The following WDR88 variants were observed in gnomAD, a reference collection of about 807,000 sequenced individuals.
WDR88 encodes the protein WD repeat domain 88, also known as WD repeat-containing protein 88.
In WDR88, 40 loss-of-function variants were observed where a neutral mutation model predicts 46.8. That is an observed-to-expected ratio of 0.86 (90% confidence interval 0.66 to 1.11). The LOEUF (loss-of-function observed/expected upper bound fraction) is 1.11, where lower values mean the gene tolerates loss of function less well. WDR88 is among the 50% of genes most tolerant of loss of function. The probability of loss-of-function intolerance (pLI) is 0.00; values close to 1 mark genes in which losing one functional copy is unlikely to be tolerated. For missense variants in WDR88, 562 were observed against 602.4 expected (o/e 0.93, Z 0.70); for synonymous variants, 235 against 240.7 (o/e 0.98, Z 0.22).
intron 3 of WDR88, among the ~76,000 whole-genome samples, chr19:33,147,372 GC>G (rs1192478721): frequency 1.3e-5 from 2 of 152,184 alleles, no homozygotes; most frequent in Admixed American, 1.3e-4. Flanking sequence ...GGAGGCCGAG[GC>G]AGGTGGATCA....
rs368856222 is a variant in WDR88, at chr19:33,147,720, T to A, written c.540+12T>A. The A allele has an allele frequency of 4.3e-6, 7 of 1,613,186 alleles. No homozygotes were observed. Among genetic ancestry groups the A allele is most frequent in the Non-Finnish European group, 5.9e-6 (7 of 1,179,596 alleles). On this transcript the variant is annotated intron_variant, in intron 4 of 10. Transcript: ENST00000355868. ...CAGGCAAGCTGCTGGTACGTATGCC[T>A]GTCCAGTGGGGGCGTTGGTTGCAGC... is the stretch of plus-strand genomic sequence containing the variant.
chr19:33,141,254 G>A (rs1340739080), intron 2 of WDR88, among the ~76,000 whole-genome samples: 11 of 61,388 alleles, frequency 1.8e-4, no homozygotes, highest in African/African-American at 1.3e-3. Context: ...TTTTGACACA[G>A]GATCTCACTC....
chr19:33,142,426 G>A (rs759560893), intron 2 of WDR88, among the ~76,000 whole-genome samples: 3 of 152,026 alleles, frequency 2.0e-5, no homozygotes, highest in Non-Finnish European at 4.4e-5. Context: ...TGTGGTGCGG[G>A]TGGGGAACAC....
intron 2 of WDR88, among the ~76,000 whole-genome samples, chr19:33,139,570 T>A (rs1448138510): frequency 1.3e-5 from 2 of 152,146 alleles, no homozygotes; most frequent in African/African-American, 4.8e-5. Context: ...CTCTGGTATT[T>A]CCTGCTAGGG....
chr19:33,148,965 T>G, intron 5 of WDR88, 55 bp downstream of exon 5: 1 of 1,609,774 alleles, frequency 6.2e-7, no homozygotes, highest in Non-Finnish European at 8.5e-7. Flanking sequence ...TAGCCACTTG[T>G]CACTGACTGA....
intron 9 of WDR88, among the ~76,000 whole-genome samples, chr19:33,170,283 TCCTCCCG>T (rs919546945): frequency 2.6e-5 from 4 of 151,994 alleles, no homozygotes; most frequent in African/African-American, 4.8e-5. Flanking sequence ...GCTTAGGCGA[TCCTCCCG>T]CCTTAGCCTC....
intron 1 of WDR88, among the ~76,000 whole-genome samples, chr19:33,133,314 G>A (rs750756486): frequency 6.6e-6 from 1 of 152,026 alleles, no homozygotes; most frequent in Non-Finnish European, 1.5e-5. Flanking sequence ...TTGGGAAGCC[G>A]AGATGAGCAG....
chr19:33,150,937 G>A (rs542920856), intron 5 of WDR88, among the ~76,000 whole-genome samples: 3 of 152,348 alleles, frequency 2.0e-5, no homozygotes, highest in Non-Finnish European at 4.4e-5. Context: ...GTGGCAGGTC[G>A]TTGCCTGGTC....
chr19:33,164,612 CT>C (rs950787316), intron 9 of WDR88, among the ~76,000 whole-genome samples: 1 of 152,150 alleles, frequency 6.6e-6, no homozygotes, highest in Non-Finnish European at 1.5e-5. Context: ...GGGGGTCTCC[CT>C]TTCCTGCAGC....
Position 33,145,056 on chromosome 19 carries a change from A to G in WDR88, c.476+124A>G, listed in dbSNP as rs1184038242. ...GATATGGGGTCTCACCATGTGGCCT[A>G]AGCTGGTCTCGAACCTGTGGTCTCA... On this transcript the variant is annotated intron_variant, in intron 3 of 10. Transcript: ENST00000355868. The G allele has an allele frequency of 5.4e-6, 5 of 921,220 alleles. No individual in the cohort carries two copies. In the Admixed American group the frequency reaches 8.3e-5, roughly 15 times the overall value. 57.1% of individuals were successfully genotyped at this position (921,220 alleles called of 1,614,324 possible).
At position 33,132,219 on chromosome 19, in the gene WDR88, A is replaced by G; in HGVS notation, c.50A>G (p.Lys17Arg). ...CSPTAHDREC[K>R]LPPPSAPASE... Reference sequence around the variant, plus strand: ...CCGACAGCCCATGACAGGGAATGCAAGTTGCCGCCACCCTCCGCCCCCGCC... The same window carrying G: ...CCGACAGCCCATGACAGGGAATGCAGGTTGCCGCCACCCTCCGCCCCCGCC... The change falls in exon 1 of 11, where the codon AAG becomes AGG. Residue 17 changes from lysine to arginine, a missense_variant. Coordinates refer to ENST00000355868, the MANE Select transcript of WDR88 (RefSeq NM_173479.4). The G allele has an allele frequency of 6.2e-7, 1 of 1,609,372 alleles. No individual in the cohort carries two copies. Among genetic ancestry groups the G allele is most frequent in the Non-Finnish European group, 8.5e-7 (1 of 1,179,654 alleles).
chr19:33,134,674 C>T (rs1973214438), intron 1 of WDR88, among the ~76,000 whole-genome samples: 1 of 152,040 alleles, frequency 6.6e-6, no homozygotes, highest in South Asian at 2.1e-4. Context: ...ACGCGCGGCC[C>T]CGGCCTGGCC....
rs1358705585 is a variant in WDR88, at chr19:33,156,452, C to T, written c.907C>T (p.His303Tyr). Residue 303 changes from histidine to tyrosine, a missense_variant, in exon 7 of 11, where the codon CAC (histidine) becomes TAC (tyrosine). By Grantham distance (83) the His-to-Tyr change is moderately conservative. Transcript: ENST00000355868. ...WDKNLKIWNVHTGEFRNCGAC... is the reference protein window; with the variant it reads ...WDKNLKIWNVYTGEFRNCGAC... ...TAAAAACTTAAAAATATGGAACGTC[C>T]ACACAGGGGAGTTTCGAAACTGTGG... 6.2e-7 allele frequency: 1 copy of T among 1,614,128 alleles called. No individual in the cohort carries two copies. Among genetic ancestry groups the T allele is most frequent in the Non-Finnish European group, 8.5e-7 (1 of 1,180,028 alleles).
At chr19:33,157,553 G>GTATA (rs541029762) in intron 7 of WDR88, among the ~76,000 whole-genome samples, 1 of 140,098 alleles carries the variant, frequency 7.1e-6, no homozygotes, top group East Asian at 2.0e-4. Flanking sequence ...ATATATATGT[G>GTATA]TATATATATA....
At chr19:33,138,196 C>T (rs1340536189) in intron 2 of WDR88, among the ~76,000 whole-genome samples, 1 of 152,012 alleles carries the variant, frequency 6.6e-6, no homozygotes. Context: ...GCCACCACAC[C>T]CAGCTAATTT....
intron 3 of WDR88, among the ~76,000 whole-genome samples, chr19:33,147,040 CCTGGG>C (rs1376072641): frequency 2.7e-5 from 4 of 150,246 alleles, no homozygotes; most frequent in African/African-American, 9.8e-5. Flanking sequence ...GAGAGACCAG[CCTGGG>C]CTCTGTCTCT....
chr19:33,153,632 C>T (rs138160825), intron 6 of WDR88, among the ~76,000 whole-genome samples: 4,261 of 152,106 alleles, frequency 0.028, 87 homozygotes, highest in Non-Finnish European at 0.039. Context: ...GTAGGTGGGA[C>T]TACAGGCGCC....
At chr19:33,144,659 C>G (rs900593319) in intron 2 of WDR88, among the ~76,000 whole-genome samples, 185 bp from the exon 3 acceptor site, 2 of 152,202 alleles carry the variant, frequency 1.3e-5, no homozygotes, top group African/African-American at 4.8e-5. Context: ...GTGTCCTTCC[C>G]GCTCAGGGGA....
chr19:33,139,302 A>C (rs1482644124), intron 2 of WDR88, among the ~76,000 whole-genome samples: 1 of 152,224 alleles, frequency 6.6e-6, no homozygotes, highest in African/African-American at 2.4e-5. Flanking sequence ...CATGGCCAGC[A>C]GGCCCAGGCA....
Sources: gnomAD v4.1 joint callset for allele counts (sites outside exome capture counted in the v4.1 genomes callset) on GRCh38, gnomAD v4.1.1 for gene constraint, MANE v1.5 for transcripts, NCBI Gene and HGNC (gene_info 2026-07-23, HGNC 2026-07-21) for gene names.